ESS2: variants seen among roughly 807,000 people sequenced by gnomAD.
The protein encoded by ESS2 is splicing factor ESS-2 homolog.
A neutral mutation model predicts 52.0 loss-of-function variants in ESS2; 31 were observed. That is an observed-to-expected ratio of 0.60 (90% CI 0.45 to 0.81). The LOEUF (loss-of-function observed/expected upper bound fraction) is 0.81. ESS2 is among the 30% of genes least tolerant of loss of function. The probability of loss-of-function intolerance (pLI) is 0.00; values close to 1 mark genes in which losing one functional copy is unlikely to be tolerated. For missense variants in ESS2, 602 were observed against 637.2 expected (o/e 0.94, Z 0.59); for synonymous variants, 285 against 259.2 (o/e 1.10, Z -0.95).
chr22:19,136,111 G>A (rs60387501), intron 8 of ESS2, among the ~76,000 whole-genome samples: 2,869 of 151,728 alleles, frequency 0.019, 97 homozygotes, highest in African/African-American at 0.067. Flanking sequence ...AGGCTGAGGT[G>A]GGTGGATCAC....
rs750563635 is a variant in ESS2 at position 19,135,189 on chromosome 22, G to T, written c.1036-14C>A. The T allele has an allele frequency of 3.7e-6, 6 of 1,604,600 alleles. No individual in the cohort carries two copies. Among genetic ancestry groups the T allele is most frequent in the Non-Finnish European group, 5.1e-6 (6 of 1,172,508 alleles). On this transcript the variant is annotated splice_polypyrimidine_tract_variant and intron_variant, in intron 8 of 9. Transcript: ENST00000252137. ...TGGCTCCAGGATCTACAAGGTAGCA[G>T]GTGTGTGGGTAGCTGCGCCAGGCCT... is the stretch of plus-strand genomic sequence containing the variant.
intron 8 of ESS2, among the ~76,000 whole-genome samples, chr22:19,135,541 A>G (rs1261279464): frequency 6.6e-6 from 1 of 152,018 alleles, no homozygotes; most frequent in Non-Finnish European, 1.5e-5. Context: ...CAAGGGGCTC[A>G]TTTTCCTTTT....
At chr22:19,134,522 A>C (rs146135513) in intron 9 of ESS2, 47 bp from the exon 10 acceptor site, 48 of 1,475,004 alleles carry the variant, frequency 3.3e-5, no homozygotes, top group Non-Finnish European at 4.1e-5. Flanking sequence ...GTGGGCTGAG[A>C]GCTGCCGGCA....
rs1385126102 is a variant in ESS2 at position 19,130,628 on chromosome 22, C to T, written c.*3568G>A. The T allele has an allele frequency of 8.7e-6, 3 of 343,592 alleles. No individual in the cohort carries two copies. Among genetic ancestry groups the T allele is most frequent in the Non-Finnish European group, 1.7e-5 (3 of 179,606 alleles). The allele number at this position is 343,592 out of a possible 1,614,324, so 21.3% of individuals were successfully genotyped here. On this transcript the variant is annotated 3_prime_UTR_variant, in exon 10 of 10. Transcript: ENST00000252137. The stretch of plus-strand genomic sequence containing the variant: ...GATCTATTCAAACAGCTGCCTGTTC[C>T]CTTAACTTGTCTTCAGATTTTGTCG...
rs1460293541 is a variant in ESS2 at position 19,144,574 on chromosome 22, G to C, written c.67C>G (p.Arg23Gly). 7 of 1,605,642 alleles carry C rather than the reference G, an allele frequency of 4.4e-6. No individual in the cohort carries two copies. The highest frequency in any genetic ancestry group is 4.3e-6 in the Non-Finnish European group (5 of 1,175,558). ...GCAGCCCCAGCCTCTCCCGCCTCGC[G>C]CTTCCTCGGGGGCCTGGACGCGGCG... ...LPAASRPPRK[R>G]EAGEAGAATS... is the part of the protein sequence containing the mutation. Residue 23 changes from arginine (R) to glycine (G), a missense_variant, in exon 1 of 10, where the codon CGC (arginine) becomes GGC (glycine). Transcript: ENST00000252137.
rs756071081 is a variant in ESS2, at chr22:19,142,852, C to A, written c.178G>T (p.Glu60Ter). Residue 60 changes from glutamate to a stop codon, truncating the protein, a stop_gained, in exon 2 of 10, where the codon GAG (glutamate) becomes TAG (stop). Coordinates refer to ENST00000252137, the MANE Select transcript of ESS2 (RefSeq NM_022719.3). LOFTEE classifies it high-confidence loss of function. ...VIQRDFFPDV[E>*]KLQAQKEYLE... The stretch of plus-strand genomic sequence containing the variant: ...TACTCCTTCTGTGCCTGGAGCTTCT[C>A]CACATCAGGAAAGAAATCCCTTTGG... 1 of 1,614,102 alleles carries A rather than the reference C, an allele frequency of 6.2e-7. No individual in the cohort carries two copies. The highest frequency in any genetic ancestry group is 1.7e-5 in the Admixed American group (1 of 60,016).
At chr22:19,137,623 G>A (rs3765612) in intron 7 of ESS2, 191 bp from the exon 8 acceptor site, 129,182 of 678,702 alleles carry the variant, frequency 0.19, 12,783 homozygotes, top group South Asian at 0.29. Context: ...GCTCCCAGCA[G>A]GCCCGAGGCA....
Position 19,138,353 on chromosome 22 carries a change from G to A in ESS2, c.823-36C>T, listed in dbSNP as rs528334454. 29 of 1,586,694 alleles carry A rather than the reference G, an allele frequency of 1.8e-5. No homozygotes were observed. The Admixed American group carries it at 2.0e-4, about 11-fold the overall frequency. ...CAGAGAGGCTGGCATCAGGGGGACC[G>A]CAGCCCACGCTCGACAGCTGGCCGG... On this transcript the variant is annotated intron_variant, in intron 6 of 9. Transcript: ENST00000252137.
At position 19,132,411 on chromosome 22, in the gene ESS2, G is replaced by A; in HGVS notation, c.*1785C>T. 6.2e-7 allele frequency: 1 copy of A among 1,612,996 alleles called. No individual in the cohort carries two copies. Among genetic ancestry groups the A allele is most frequent in the Non-Finnish European group, 8.5e-7 (1 of 1,180,016 alleles). On this transcript the variant is annotated 3_prime_UTR_variant, in exon 10 of 10. Coordinates refer to ENST00000252137, the MANE Select transcript of ESS2 (RefSeq NM_022719.3). The surrounding 1 kb of genome is among the most constrained non-coding windows in gnomAD (Gnocchi z 4.2). The stretch of plus-strand genomic sequence containing the variant: ...CGAGAACAGGATGGAGGACAGGCTG[G>A]CCGAGACCTCCAGGGCCAAAGACCA...
intron 3 of ESS2, 96 bp from the exon 4 acceptor site, chr22:19,140,120 G>T: frequency 6.9e-7 from 1 of 1,456,012 alleles, no homozygotes; most frequent in Non-Finnish European, 9.4e-7. Flanking sequence ...CAACATGCAG[G>T]GCTGGAATCC....
chr22:19,134,372 T>G lies in ESS2; in HGVS notation c.1255A>C (p.Thr419Pro). 1 of 1,611,906 alleles carries G rather than the reference T, an allele frequency of 6.2e-7. No homozygotes were observed. The highest frequency in any genetic ancestry group is 1.7e-5 in the Admixed American group (1 of 59,818). Reference sequence around the variant, plus strand: ...TGGGTGGAGCGTGCTGGGGATGGTGTGTAGCTGGCCCGCAGGGCCCGGTCT... The same window carrying G: ...TGGGTGGAGCGTGCTGGGGATGGTGGGTAGCTGGCCCGCAGGGCCCGGTCT... ...YTDRALRASY[T>P]PSPARSTHLK... is the part of the protein sequence containing the mutation. Residue 419 changes from threonine to proline, a missense_variant, in exon 10 of 10, where the codon ACA (threonine) becomes CCA (proline). Thr to Pro is a conservative substitution (Grantham distance 38, BLOSUM62 -1). Transcript: ENST00000252137.
intron 8 of ESS2, among the ~76,000 whole-genome samples, chr22:19,135,942 G>A (rs2146092296): frequency 6.7e-6 from 1 of 149,818 alleles, no homozygotes; most frequent in Admixed American, 6.7e-5. Context: ...AGGCTGGAAG[G>A]TCATTTGAGC....
intron 8 of ESS2, among the ~76,000 whole-genome samples, chr22:19,136,845 G>C (rs370850421): frequency 6.6e-5 from 10 of 152,146 alleles, no homozygotes; most frequent in African/African-American, 1.2e-4. Flanking sequence ...GAGGCCTGTT[G>C]TATCTGACCC....
At chr22:19,135,200 A>G in intron 8 of ESS2, 25 bp from the exon 9 acceptor site, 1 of 1,586,664 alleles carries the variant, frequency 6.3e-7, no homozygotes, top group Middle Eastern at 1.7e-4. Flanking sequence ...GTGTGTGGGT[A>G]GCTGCGCCAG....
rs765166836 is a variant in ESS2 at position 19,131,704 on chromosome 22, T to A, written c.*2492A>T. 1.1e-5 allele frequency: 18 copies of A among 1,613,876 alleles called. 1 individual carries two copies. In the South Asian group the frequency reaches 1.9e-4, roughly 17 times the overall value. ...GTCCAGGGCGACCTCCTCGAGTTCATCAAGTGCCAGGGAGCCCTGCATGAG... is the reference window on the plus strand; with the variant it reads ...GTCCAGGGCGACCTCCTCGAGTTCAACAAGTGCCAGGGAGCCCTGCATGAG... On this transcript the variant is annotated 3_prime_UTR_variant, in exon 10 of 10. Transcript: ENST00000252137. This position sits in a 1 kb window ranked among gnomAD's most constrained non-coding sequence, Gnocchi z 5.7.
At chr22:19,134,525 T>C in intron 9 of ESS2, 50 bp from the exon 10 acceptor site, 1 of 1,473,670 alleles carries the variant, frequency 6.8e-7, no homozygotes, top group Non-Finnish European at 9.0e-7. Context: ...GGCTGAGAGC[T>C]GCCGGCAGCA....
chr22:19,144,519 T>C lies in ESS2; in HGVS notation c.122A>G (p.Glu41Gly). Residue 41 changes from glutamate to glycine, a missense_variant, in exon 1 of 10, where the codon GAA becomes GGA. Coordinates refer to ENST00000252137, the MANE Select transcript of ESS2 (RefSeq NM_022719.3). ...CCGAGGTCGTACCTCGATATACTCT[T>C]CCTCGTCCAGGACCCGCTGCTTGCT... ...ATSKQRVLDE[E>G]EYIEGLQTVI... The C allele has an allele frequency of 6.2e-7, 1 of 1,610,698 alleles. No individual in the cohort carries two copies. Among genetic ancestry groups the C allele is most frequent in the Non-Finnish European group, 8.5e-7 (1 of 1,178,808 alleles).
rs1276607572 is a variant in ESS2, at chr22:19,135,137, C to T, written c.1074G>A (p.Lys358=). ...EPGRRERLGL[K]MANEAAAKNR... is the part of the protein sequence containing the mutation. Reference sequence around the variant, plus strand: ...TCTTGGCAGCGGCCTCGTTGGCCATCTTCAGACCCAGCCGCTCCCTGCGGC... The same window carrying T: ...TCTTGGCAGCGGCCTCGTTGGCCATTTTCAGACCCAGCCGCTCCCTGCGGC... Residue 358 remains lysine, a synonymous_variant, in exon 9 of 10, where the codon AAG becomes AAA. Coordinates refer to ENST00000252137, the MANE Select transcript of ESS2 (RefSeq NM_022719.3). The T allele has an allele frequency of 3.7e-6, 6 of 1,613,954 alleles. No homozygotes were observed. The highest frequency in any genetic ancestry group is 1.3e-5 in the African/African-American group (1 of 74,946).
In ESS2 at chr22:19,132,621, T is replaced by G. The variant is rs971701457; in HGVS notation, c.*1575A>C. 3.8e-6 allele frequency: 3 copies of G among 788,014 alleles called. No individual in the cohort carries two copies. Among genetic ancestry groups the G allele is most frequent in the Admixed American group, 2.6e-5 (1 of 38,572 alleles). The allele number at this position is 788,014 out of a possible 1,614,324, so 48.8% of individuals were successfully genotyped here. A position where few individuals can be genotyped will look rare whatever the true frequency, so the allele number is the denominator to read the frequency against. On this transcript the variant is annotated 3_prime_UTR_variant, in exon 10 of 10. Transcript: ENST00000252137. This position sits in a 1 kb window ranked among gnomAD's most constrained non-coding sequence, Gnocchi z 4.2. ...TCGTCAATTAAACCACTATTTTGAT[T>G]ACGTTCCATTAGCTTTCTTCCACTT...
Sources: gnomAD v4.1 joint callset for allele counts (sites outside exome capture counted in the v4.1 genomes callset) on GRCh38, gnomAD v4.1.1 for gene constraint, Gnocchi (gnomAD v3.1) non-coding constraint, MANE v1.5 for transcripts, NCBI Gene and HGNC (gene_info 2026-07-23, HGNC 2026-07-21) for gene names.